The following KDM4C variants were observed in gnomAD, a reference collection of about 807,000 sequenced individuals.
The protein encoded by KDM4C is lysine-specific demethylase 4C.
Under a neutral mutation model 129.3 loss-of-function variants are expected in KDM4C, and 81 were observed. The observed-to-expected ratio is 0.63, with a 90% CI of 0.52 to 0.75. KDM4C has a LOEUF of 0.75. Ranked by LOEUF, KDM4C falls within the 30% of genes least tolerant of loss-of-function variation. The pLI is 0.00. For missense variants in KDM4C, 1,457 were observed against 1,304.0 expected (o/e 1.12, Z -1.81); for synonymous variants, 573 against 456.1 (o/e 1.26, Z -3.26).
intron 17 of KDM4C, chr9:7,077,130 A>G: frequency 1.0e-6 from 1 of 985,426 alleles, no homozygotes; most frequent in Non-Finnish European, 1.2e-6. Flanking sequence ...AGATGTGGAC[A>G]CTGGGCTGAC....
chr9:6,951,405 A>G (rs1303838383), intron 8 of KDM4C, among the ~76,000 whole-genome samples: 2 of 152,186 alleles, frequency 1.3e-5, no homozygotes, highest in Admixed American at 1.3e-4. Context: ...TCTTCTAGTC[A>G]TGATCTGATT....
intron 8 of KDM4C, among the ~76,000 whole-genome samples, chr9:6,955,413 C>G (rs1220654330): frequency 6.6e-6 from 1 of 152,178 alleles, no homozygotes; most frequent in African/African-American, 2.4e-5. Context: ...GTTTTTCATG[C>G]AGTGCAGTGG....
At chr9:6,821,722 AC>A (rs1198361445) in intron 4 of KDM4C, among the ~76,000 whole-genome samples, 2 of 149,938 alleles carry the variant, frequency 1.3e-5, no homozygotes, top group Non-Finnish European at 3.0e-5. Flanking sequence ...CTCAACCTTC[AC>A]CCCCGGGTTC....
chr9:6,790,814 TTC>T (rs1450141077), intron 1 of KDM4C, among the ~76,000 whole-genome samples: 1 of 152,114 alleles, frequency 6.6e-6, no homozygotes, highest in African/African-American at 2.4e-5. Flanking sequence ...TACCTTTGCA[TTC>T]TGTGTGCCTG....
chr9:7,042,721 C>CA (rs1336662716), intron 15 of KDM4C, among the ~76,000 whole-genome samples: 27 of 152,010 alleles, frequency 1.8e-4, no homozygotes, highest in Non-Finnish European at 3.5e-4. Flanking sequence ...TTTTTGCACT[C>CA]TACTTTGATA....
chr9:6,970,618 G>T (rs1325911640), intron 8 of KDM4C, among the ~76,000 whole-genome samples: 1 of 152,184 alleles, frequency 6.6e-6, no homozygotes, highest in African/African-American at 2.4e-5. Flanking sequence ...TTGTAATTTA[G>T]TCTTGGGCCA....
At chr9:6,873,001 A>G (rs1414985786) in intron 5 of KDM4C, among the ~76,000 whole-genome samples, 2 of 151,984 alleles carry the variant, frequency 1.3e-5, no homozygotes, top group African/African-American at 4.8e-5. Context: ...ATCTCGTCTC[A>G]TTGCAACCTC....
At chr9:7,139,189 C>A (rs1169189413) in intron 19 of KDM4C, among the ~76,000 whole-genome samples, 1 of 152,096 alleles carries the variant, frequency 6.6e-6, no homozygotes, top group African/African-American at 2.4e-5. Flanking sequence ...GTGGGAGGAT[C>A]ACTTGAGCCT....
At chr9:6,833,566 A>G (rs1265410314) in intron 4 of KDM4C, among the ~76,000 whole-genome samples, 2 of 152,208 alleles carry the variant, frequency 1.3e-5, no homozygotes, top group African/African-American at 2.4e-5. Flanking sequence ...GGTCTTGGCA[A>G]GTTATCTGTC....
intron 1 of KDM4C, chr9:6,748,988 A>C (rs1427276036): frequency 1.2e-6 from 1 of 817,828 alleles, no homozygotes; most frequent in African/African-American, 1.7e-5. Context: ...CCATGGTGGA[A>C]TTTCACAAAG....
rs1008082126 is a variant in KDM4C, at chr9:7,128,022, G to T, written c.2611-44G>T. 5.3e-6 allele frequency: 7 copies of T among 1,329,072 alleles called. No homozygotes were observed. The South Asian group carries it at 7.1e-5, about 14-fold the overall frequency. The allele number at this position is 1,329,072 out of a possible 1,614,324, so 82.3% of individuals were successfully genotyped here. On this transcript the variant is annotated intron_variant, in intron 18 of 21. Coordinates refer to ENST00000381309, the MANE Select transcript of KDM4C (RefSeq NM_015061.6). ...TTTATTTTACGTCCTTTCTTTTCCT[G>T]TTCTCTTACTTCTTTTCTTCCTTTT...
At chr9:6,944,306 T>G (rs1202895755) in intron 8 of KDM4C, among the ~76,000 whole-genome samples, 1 of 152,238 alleles carries the variant, frequency 6.6e-6, no homozygotes, top group Non-Finnish European at 1.5e-5. Context: ...TTTAATTGTC[T>G]GGAAGCTGGG....
chr9:6,722,104 A>T (rs1345415163), intron 1 of KDM4C, among the ~76,000 whole-genome samples: 1 of 152,216 alleles, frequency 6.6e-6, no homozygotes, highest in Admixed American at 6.5e-5. Context: ...GTTCCCCAAT[A>T]GCCTAGGACA....
At chr9:6,823,754 G>A (rs1405397346) in intron 4 of KDM4C, among the ~76,000 whole-genome samples, 1 of 152,184 alleles carries the variant, frequency 6.6e-6, no homozygotes, top group Non-Finnish European at 1.5e-5. Context: ...GAGTCACATG[G>A]TGAAGCTCTT....
chr9:7,060,715 C>T (rs922687197), intron 17 of KDM4C, among the ~76,000 whole-genome samples: 2 of 151,890 alleles, frequency 1.3e-5, no homozygotes, highest in African/African-American at 2.4e-5. Context: ...CTCCTGACCT[C>T]GTGATCCGCC....
At chr9:6,853,908 T>C (rs1839294758) in intron 5 of KDM4C, among the ~76,000 whole-genome samples, 1 of 152,240 alleles carries the variant, frequency 6.6e-6, no homozygotes, top group African/African-American at 2.4e-5. Context: ...GCATGATTTA[T>C]TCTCTGTCTA....
chr9:7,076,042 C>G (rs955725773), intron 17 of KDM4C, among the ~76,000 whole-genome samples: 3 of 152,168 alleles, frequency 2.0e-5, no homozygotes, highest in African/African-American at 7.2e-5. Flanking sequence ...GAGCCTTGCA[C>G]TGAGTGCTGT....
chr9:7,108,604 T>C (rs1202323719), intron 18 of KDM4C, among the ~76,000 whole-genome samples: 1 of 152,194 alleles, frequency 6.6e-6, no homozygotes, highest in African/African-American at 2.4e-5. Context: ...AACTCCTTCC[T>C]GTCCTCATGA....
chr9:6,859,397 C>T (rs773799226), intron 5 of KDM4C, among the ~76,000 whole-genome samples: 1 of 147,026 alleles, frequency 6.8e-6, no homozygotes, highest in South Asian at 2.1e-4. Flanking sequence ...ATCACTTGAA[C>T]CAGGAAGGTG....
Sources: allele counts gnomAD v4.1 joint callset (sites outside exome capture counted in the v4.1 genomes callset), GRCh38; gene constraint gnomAD v4.1.1; transcripts MANE v1.5; gene names NCBI Gene and HGNC (gene_info 2026-07-23, HGNC 2026-07-21).